CELF2: variants seen among roughly 807,000 people sequenced by gnomAD.
CELF2 encodes CUGBP Elav-like family member 2, also known as CUG triplet repeat RNA-binding protein 2.
In CELF2, 8 loss-of-function variants were observed where a neutral mutation model predicts 62.6. The observed-to-expected ratio is 0.13, with a 90% confidence interval of 0.07 to 0.23. CELF2 has a LOEUF of 0.23. CELF2 is among the 10% of genes least tolerant of loss of function. The pLI, the probability that CELF2 is intolerant of heterozygous loss-of-function variation, is 1.00. For missense variants in CELF2, 333 were observed against 671.0 expected, an observed-to-expected ratio of 0.50 and a Z score of 5.56; for synonymous variants, 258 against 250.0, an observed-to-expected ratio of 1.03 and a Z score of -0.30.
chr10:10,726,205 A>G, the CELF2 span, among the ~76,000 whole-genome samples: 2 of 152,092 alleles, frequency 1.3e-5, no homozygotes, highest in Non-Finnish European at 2.9e-5. Context: ...GTGGCTCCAG[A>G]TTCAGAATTT....
Position 11,177,070 on chromosome 10 carries a change from C to T in CELF2, c.271+11388C>T, listed in dbSNP as rs1266905414. 6.6e-6 allele frequency among the ~76,000 whole-genome samples: 1 copy of T among 152,100 alleles called. No individual in the cohort carries two copies. The highest frequency in any genetic ancestry group is 6.6e-5 in the Admixed American group (1 of 15,262). ...GGTTGCAGAAGCCTATATAGGGTGG[C>T]TCATTTGGACGAAGTATTGTTAAGG... On this transcript the variant is annotated intron_variant, in intron 2 of 12. Coordinates refer to ENST00000633077, the MANE Select transcript of CELF2 (RefSeq NM_001326342.2). This position sits in a 1 kb window ranked among gnomAD's most constrained non-coding sequence, Gnocchi z 4.8.
intron 1 of CELF2, among the ~76,000 whole-genome samples, chr10:10,844,682 T>C (rs1255119862): frequency 6.6e-6 from 1 of 152,124 alleles, no homozygotes; most frequent in South Asian, 2.1e-4. Flanking sequence ...TAGTTATTCT[T>C]TGGGTTTTCT....
intron 9 of CELF2, among the ~76,000 whole-genome samples, chr10:11,312,372 G>A (rs1294568423): frequency 6.6e-6 from 1 of 152,198 alleles, no homozygotes; most frequent in African/African-American, 2.4e-5. Context: ...AAAATACGTG[G>A]TATGAAGAAT....
At chr10:10,711,206 C>A in the CELF2 span, among the ~76,000 whole-genome samples, 1 of 152,044 alleles carries the variant, frequency 6.6e-6, no homozygotes, top group African/African-American at 2.4e-5. Flanking sequence ...TATATTGACG[C>A]CTAAAAGATA....
In CELF2 at chr10:11,165,408, T is replaced by G; in HGVS notation, c.75-78T>G. 8.8e-6 allele frequency: 13 copies of G among 1,474,776 alleles called. No homozygotes were observed. Among genetic ancestry groups the G allele is most frequent in the Non-Finnish European group, 1.0e-5 (11 of 1,095,608 alleles). 91.4% of individuals were successfully genotyped at this position (1,474,776 alleles called of 1,614,324 possible). A position where few individuals can be genotyped will look rare whatever the true frequency, so the allele number is the denominator to read the frequency against. Reference sequence around the variant, plus strand: ...CTTCCTCCTCCTTCCGCCTCCCCGCTCCCCCACCCCCACTATTTTTTCTTC... The same window carrying G: ...CTTCCTCCTCCTTCCGCCTCCCCGCGCCCCCACCCCCACTATTTTTTCTTC... On this transcript the variant is annotated intron_variant, in intron 1 of 12. Coordinates refer to ENST00000633077, the MANE Select transcript of CELF2 (RefSeq NM_001326342.2). The surrounding 1 kb of genome is among the most constrained non-coding windows in gnomAD (Gnocchi z 7.4).
intron 1 of CELF2, among the ~76,000 whole-genome samples, chr10:10,857,320 G>A (rs1229940352): frequency 6.6e-6 from 1 of 151,942 alleles, no homozygotes; most frequent in African/African-American, 2.4e-5. Context: ...CCAACCAGAT[G>A]CAGTGAAAAG....
rs532074303 is a variant in CELF2 at position 10,860,566 on chromosome 10, T to C, written c.54-59398T>C. On this transcript the variant is annotated intron_variant, in intron 1 of 13. Coordinates refer to the CELF2 transcript ENST00000636488. ...CAAAACTCAATTTTAATTCAGTTGA[T>C]AACTTTTTATACAATGATACTTGGT... Among the ~76,000 whole-genome samples, 194 of 152,372 alleles carry C rather than the reference T, an allele frequency of 1.3e-3. 1 individual carries two copies. Among genetic ancestry groups the C allele is most frequent in the African/African-American group, 4.5e-3 (186 of 41,584 alleles).
the CELF2 span, among the ~76,000 whole-genome samples, chr10:10,624,458 T>C: frequency 0.035 from 5,297 of 152,308 alleles, 203 homozygotes; most frequent in African/African-American, 0.098. Context: ...ATTCAGGCTT[T>C]CAGTACAAGC....
At chr10:10,467,762 G>T in the CELF2 span, among the ~76,000 whole-genome samples, 1 of 151,926 alleles carries the variant, frequency 6.6e-6, no homozygotes, top group Non-Finnish European at 1.5e-5. Flanking sequence ...GCAATGGATT[G>T]TAGTTTTTGG....
At position 11,285,894 on chromosome 10, in the gene CELF2, A is replaced by T. The variant is rs1013226687; in HGVS notation, c.842-2524A>T. 6.8e-6 allele frequency among the ~76,000 whole-genome samples: 1 copy of T among 147,494 alleles called. No homozygotes were observed. Among genetic ancestry groups the T allele is most frequent in the African/African-American group, 2.5e-5 (1 of 40,174 alleles). The stretch of plus-strand genomic sequence containing the variant: ...GTGTGTGTGTTTTTACATGGACTTG[A>T]AAATGAGTAAGACATAATTTTTGTC... On this transcript the variant is annotated intron_variant, in intron 8 of 12. Coordinates refer to ENST00000633077, the MANE Select transcript of CELF2 (RefSeq NM_001326342.2). The surrounding 1 kb of genome is among the most constrained non-coding windows in gnomAD (Gnocchi z 4.3).
intron 2 of CELF2, among the ~76,000 whole-genome samples, chr10:10,998,142 A>T (rs1226548161): frequency 2.0e-5 from 3 of 152,218 alleles, no homozygotes; most frequent in Non-Finnish European, 4.4e-5. Flanking sequence ...GAGTCAATTA[A>T]GCCTCTTTCC....
chr10:11,259,660 C>T (rs1256555683), intron 5 of CELF2, among the ~76,000 whole-genome samples: 2 of 152,190 alleles, frequency 1.3e-5, no homozygotes, highest in Non-Finnish European at 2.9e-5. Flanking sequence ...TGGCAGACTG[C>T]ACCACCTCTG....
At chr10:10,481,330 G>T in the CELF2 span, among the ~76,000 whole-genome samples, 1 of 152,138 alleles carries the variant, frequency 6.6e-6, no homozygotes, top group African/African-American at 2.4e-5. Flanking sequence ...CCATAACACA[G>T]GGAATTTCTT....
At chr10:10,833,051 G>GTGTA (rs2058006928) in intron 1 of CELF2, among the ~76,000 whole-genome samples, 1 of 147,454 alleles carries the variant, frequency 6.8e-6, no homozygotes, top group African/African-American at 2.5e-5. Context: ...GTGTGTGTGT[G>GTGTA]TATTTTTAAA....
At chr10:11,093,337 A>G (rs1358517382) in intron 1 of CELF2, among the ~76,000 whole-genome samples, 1 of 152,180 alleles carries the variant, frequency 6.6e-6, no homozygotes, top group Non-Finnish European at 1.5e-5. Context: ...AACACCCAAC[A>G]TTATTTTAGC....
chr10:11,293,935 G>C (rs2092844764), intron 9 of CELF2, among the ~76,000 whole-genome samples: 1 of 152,304 alleles, frequency 6.6e-6, no homozygotes, highest in Non-Finnish European at 1.5e-5. Flanking sequence ...GGCAGGGTCA[G>C]CGTACCCACC....
intron 2 of CELF2, among the ~76,000 whole-genome samples, chr10:10,988,824 G>C (rs2053118574): frequency 6.6e-6 from 1 of 152,050 alleles, no homozygotes; most frequent in Non-Finnish European, 1.5e-5. Context: ...CATCATTCAC[G>C]AAATAATGTA....
At chr10:11,126,217 A>G (rs567329456) in intron 1 of CELF2, among the ~76,000 whole-genome samples, 7 of 152,260 alleles carry the variant, frequency 4.6e-5, no homozygotes, top group African/African-American at 1.4e-4. Flanking sequence ...CTTTCACAGC[A>G]TTTTCAGCAA....
At chr10:10,871,189 A>T (rs2060723916) in intron 1 of CELF2, among the ~76,000 whole-genome samples, 2 of 152,230 alleles carry the variant, frequency 1.3e-5, no homozygotes, top group African/African-American at 4.8e-5. Flanking sequence ...TCCAGTGTCA[A>T]ATGCCATTGC....
Sources: gnomAD v4.1 joint callset for allele counts (sites outside exome capture counted in the v4.1 genomes callset) on GRCh38, gnomAD v4.1.1 for gene constraint, Gnocchi (gnomAD v3.1) non-coding constraint, MANE v1.5 for transcripts, NCBI Gene and HGNC (gene_info 2026-07-23, HGNC 2026-07-21) for gene names.